KAZN: variants seen among roughly 807,000 people sequenced by gnomAD.
KAZN encodes kazrin.
In KAZN, 40 loss-of-function variants were observed where a neutral mutation model predicts 87.4. The observed-to-expected ratio is 0.46, with a 90% CI of 0.36 to 0.60. The LOEUF is 0.60. Among genes scored for constraint, KAZN ranks in the 20% least tolerant of loss-of-function variants. The pLI is 0.00. For synonymous variants in KAZN, 466 were observed against 458.3 expected, an observed-to-expected ratio of 1.02 and a Z score of -0.22; for missense variants, 898 against 1,073.9, an observed-to-expected ratio of 0.84 and a Z score of 2.29.
chr1:14,915,196 G>GA (rs1557616064), intron 1 of KAZN, among the ~76,000 whole-genome samples: 1 of 151,820 alleles, frequency 6.6e-6, no homozygotes, highest in Non-Finnish European at 1.5e-5. Flanking sequence ...TCAAAAGAAA[G>GA]AAAAAAAGAA....
chr1:15,084,383 C>T (rs1640152663), intron 8 of KAZN, among the ~76,000 whole-genome samples: 1 of 152,178 alleles, frequency 6.6e-6, no homozygotes, highest in African/African-American at 2.4e-5. Flanking sequence ...TGGGGGAAGA[C>T]ATATTCGGAA....
intron 1 of KAZN, among the ~76,000 whole-genome samples, chr1:13,895,778 G>A (rs889809435): frequency 2.0e-5 from 3 of 152,134 alleles, no homozygotes; most frequent in Non-Finnish European, 4.4e-5. Context: ...CGTACTCACC[G>A]AGTACCTACT....
At position 14,384,784 on chromosome 1, in the gene KAZN, G is replaced by T. The variant is rs1328710374; in HGVS notation, c.249+204192G>T. ...ATATTGGTCTAAAATTCTCTTTTTTGGTTGTGTCTCTGCCCGGCTTTGGTA... is the reference window on the plus strand; with the variant it reads ...ATATTGGTCTAAAATTCTCTTTTTTTGTTGTGTCTCTGCCCGGCTTTGGTA... On this transcript the variant is annotated intron_variant, in intron 2 of 16. Transcript: ENST00000636203. Among the ~76,000 whole-genome samples the T allele has an allele frequency of 2.6e-5, 4 of 151,400 alleles. No individual in the cohort carries two copies. In the South Asian group the frequency reaches 6.3e-4, roughly 24 times the overall value.
intron 2 of KAZN, among the ~76,000 whole-genome samples, chr1:14,341,488 C>T (rs1657723147): frequency 6.6e-6 from 1 of 152,174 alleles, no homozygotes; most frequent in South Asian, 2.1e-4. Flanking sequence ...TCCTTGTGTC[C>T]CACTTGTCCT....
At chr1:14,031,752 C>G (rs1009957215) in intron 1 of KAZN, among the ~76,000 whole-genome samples, 1 of 152,188 alleles carries the variant, frequency 6.6e-6, no homozygotes, top group Non-Finnish European at 1.5e-5. Context: ...TTTCTTGAGA[C>G]TCTGCTTCAA....
At chr1:14,579,603 C>T (rs946912916) in intron 2 of KAZN, among the ~76,000 whole-genome samples, 3 of 144,978 alleles carry the variant, frequency 2.1e-5, no homozygotes, top group African/African-American at 7.7e-5. Flanking sequence ...GCAGCCTGGG[C>T]AACACAGCGA....
intron 8 of KAZN, among the ~76,000 whole-genome samples, chr1:15,070,560 G>A (rs943298790): frequency 2.0e-5 from 3 of 152,216 alleles, no homozygotes; most frequent in African/African-American, 4.8e-5. Flanking sequence ...GAGCCGCCCC[G>A]CACCTGTGAC....
chr1:14,100,901 G>A (rs1644235344), intron 1 of KAZN, among the ~76,000 whole-genome samples: 1 of 152,098 alleles, frequency 6.6e-6, no homozygotes, highest in South Asian at 2.1e-4. Flanking sequence ...TAGTGAATAA[G>A]TTTCACAAAA....
chr1:15,027,933 G>A (rs1226963866), intron 2 of KAZN, among the ~76,000 whole-genome samples: 1 of 152,240 alleles, frequency 6.6e-6, no homozygotes, highest in East Asian at 1.9e-4. Context: ...GGTCTGTGGT[G>A]GGAGCTTGAG....
chr1:14,752,103 T>G (rs1644428693), intron 1 of KAZN, among the ~76,000 whole-genome samples: 1 of 151,848 alleles, frequency 6.6e-6, no homozygotes, highest in African/African-American at 2.4e-5. Flanking sequence ...GAGAGAGAGG[T>G]GAGGTGTCAG....
chr1:13,951,623 GATAATAATAATAATAATAATAATAATA>G (rs6143132), intron 1 of KAZN, among the ~76,000 whole-genome samples: 4 of 148,454 alleles, frequency 2.7e-5, no homozygotes, highest in African/African-American at 5.0e-5. Context: ...CTAAAATGGA[GATAATAATAATAATAATAATAATAATA>G]ATAATAATAA....
At chr1:14,222,364 C>T (rs1417349966) in intron 2 of KAZN, among the ~76,000 whole-genome samples, 1 of 152,158 alleles carries the variant, frequency 6.6e-6, no homozygotes, top group Non-Finnish European at 1.5e-5. Flanking sequence ...TCCACTCTCC[C>T]CTCTCTTGTA....
Position 15,117,363 on chromosome 1 carries a change from T to C in KAZN, c.*2728T>C, listed in dbSNP as rs2235786. On this transcript the variant is annotated 3_prime_UTR_variant, in exon 15 of 15. Transcript: ENST00000376030. ...CCTGTGGGTGGAGAAGGCACCTGCCTGGTAGACTCTCAGCTTTCTGACCCC... is the reference window on the plus strand; with the variant it reads ...CCTGTGGGTGGAGAAGGCACCTGCCCGGTAGACTCTCAGCTTTCTGACCCC... 87,991 of 152,100 alleles carry C rather than the reference T, an allele frequency of 0.58. 25,811 individuals carry two copies. The highest frequency in any genetic ancestry group is 0.74 in the East Asian group (3,791 of 5,146). The allele number at this position is 152,100 out of a possible 1,614,324, so 9.4% of individuals were successfully genotyped here. A position where few individuals can be genotyped will look rare whatever the true frequency, so the allele number is the denominator to read the frequency against.
chr1:14,540,664 A>C (rs1261654472), intron 2 of KAZN, among the ~76,000 whole-genome samples: 1 of 152,208 alleles, frequency 6.6e-6, no homozygotes, highest in Non-Finnish European at 1.5e-5. Flanking sequence ...GTTACCAAGT[A>C]AGCCAAGTCT....
intron 2 of KAZN, among the ~76,000 whole-genome samples, chr1:14,423,806 T>C (rs1318560538): frequency 6.6e-6 from 1 of 152,174 alleles, no homozygotes. Context: ...CTGGGACTTT[T>C]GCTGGAACTT....
In KAZN at chr1:14,501,802, A is replaced by C. The variant is rs571151075; in HGVS notation, c.250-97181A>C. 3.9e-5 allele frequency among the ~76,000 whole-genome samples: 6 copies of C among 152,360 alleles called. 1 individual carries two copies. The East Asian group carries it at 1.2e-3, about 29-fold the overall frequency. ...AGCAATGGAAGATTATTCAGCCATA[A>C]AAACGAAGGACTGATCTGTGCTACA... On this transcript the variant is annotated intron_variant, in intron 2 of 16. Coordinates refer to the KAZN transcript ENST00000636203.
intron 2 of KAZN, among the ~76,000 whole-genome samples, chr1:14,365,055 T>A: frequency 6.6e-6 from 1 of 151,772 alleles, no homozygotes; most frequent in Non-Finnish European, 1.5e-5. Flanking sequence ...CTCTCTTTTT[T>A]TTTTTTGTGA....
At chr1:14,699,026 C>A (rs1020613008) in intron 1 of KAZN, among the ~76,000 whole-genome samples, 4 of 152,148 alleles carry the variant, frequency 2.6e-5, no homozygotes, top group African/African-American at 9.7e-5. Flanking sequence ...CCTTATCCAC[C>A]TCTGCTCTTC....
At chr1:13,982,167 C>G (rs1442744712) in intron 1 of KAZN, among the ~76,000 whole-genome samples, 1 of 152,176 alleles carries the variant, frequency 6.6e-6, no homozygotes, top group Non-Finnish European at 1.5e-5. Context: ...ACATCCTGGG[C>G]TCTGCTCAGG....
Sources: gnomAD v4.1 joint callset for allele counts (sites outside exome capture counted in the v4.1 genomes callset) on GRCh38, gnomAD v4.1.1 for gene constraint, MANE v1.5 for transcripts, NCBI Gene and HGNC (gene_info 2026-07-23, HGNC 2026-07-21) for gene names.